MEI4: variants seen among roughly 807,000 people sequenced by gnomAD.
The protein encoded by MEI4 is meiotic double-stranded break formation protein 4.
MEI4 carries 27 observed loss-of-function variants against 31.4 expected under a neutral mutation model. The ratio of observed to expected loss-of-function variants is 0.86; its 90% CI spans 0.63 to 1.19. The LOEUF is 1.19. Among genes scored for constraint, MEI4 ranks in the 50% most tolerant of loss-of-function variants. The pLI is 0.00. For synonymous variants in MEI4, 122 were observed against 145.4 expected (o/e 0.84, Z 1.16); for missense variants, 329 against 398.9 (o/e 0.82, Z 1.49).
chr6:77,846,163 A>AGT (rs1261418954), intron 4 of MEI4, among the ~76,000 whole-genome samples: 1 of 151,874 alleles, frequency 6.6e-6, no homozygotes, highest in Non-Finnish European at 1.5e-5. Context: ...CCCAGGCTGG[A>AGT]GTGCAGTGGT....
intron 4 of MEI4, among the ~76,000 whole-genome samples, chr6:77,831,400 C>CT (rs1376437018): frequency 6.6e-6 from 1 of 151,494 alleles, no homozygotes; most frequent in Admixed American, 6.6e-5. Context: ...CCACTGCTGG[C>CT]TATGTATCCA....
chr6:77,922,942 C>T, intron 4 of MEI4, 147 bp from the exon 5 acceptor site: 1 of 423,922 alleles, frequency 2.4e-6, no homozygotes, highest in Non-Finnish European at 4.0e-6. Flanking sequence ...TTTTTTATTT[C>T]CCCCTTGTTC....
At chr6:77,688,331 A>G (rs12192385) in intron 1 of MEI4, among the ~76,000 whole-genome samples, 2,802 of 152,200 alleles carry the variant, frequency 0.018, 40 homozygotes, top group Non-Finnish European at 0.031. Context: ...TTTAAGTGTG[A>G]TTTATATCCT....
At chr6:77,852,709 G>A (rs1770657548) in intron 4 of MEI4, among the ~76,000 whole-genome samples, 1 of 151,644 alleles carries the variant, frequency 6.6e-6, no homozygotes, top group Admixed American at 6.6e-5. Context: ...GGGAGAATGA[G>A]TTCCTTAGGG....
chr6:77,737,346 T>C (rs1459449382), intron 2 of MEI4, among the ~76,000 whole-genome samples: 2 of 152,204 alleles, frequency 1.3e-5, no homozygotes, highest in African/African-American at 2.4e-5. Context: ...GTCTTACATG[T>C]AATTACTTTG....
rs1036370053 is a variant in MEI4, at chr6:77,789,691, A to C, written c.768+28026A>C. 3.3e-5 allele frequency among the ~76,000 whole-genome samples: 5 copies of C among 152,240 alleles called. 1 individual carries two copies. Among genetic ancestry groups the C allele is most frequent in the African/African-American group, 1.2e-4 (5 of 41,470 alleles). On this transcript the variant is annotated intron_variant, in intron 3 of 4. Coordinates refer to ENST00000684080, the MANE Select transcript of MEI4 (RefSeq NM_001322247.2). ...ACTGGCCATCAGAGAAATGTAAATC[A>C]AAACCACAATGAGATACCATCTCAC...
At chr6:77,802,562 G>T (rs1474160055) in intron 3 of MEI4, among the ~76,000 whole-genome samples, 2 of 152,132 alleles carry the variant, frequency 1.3e-5, no homozygotes, top group Non-Finnish European at 2.9e-5. Flanking sequence ...TTTCTTCCTA[G>T]CCTCAATGGT....
chr6:77,650,558 C>G (rs533905588), upstream of MEI4, among the ~76,000 whole-genome samples: 1 of 152,202 alleles, frequency 6.6e-6, no homozygotes, highest in Non-Finnish European at 1.5e-5. Flanking sequence ...CGCCCTCCCC[C>G]GCTACAGGAA....
chr6:77,768,552 T>C (rs941012288), intron 3 of MEI4, among the ~76,000 whole-genome samples: 11 of 151,850 alleles, frequency 7.2e-5, no homozygotes, highest in Non-Finnish European at 1.3e-4. Flanking sequence ...ATACAAAAAA[T>C]AGCCAGACAT....
At chr6:77,714,646 C>T (rs1240010592) in intron 2 of MEI4, among the ~76,000 whole-genome samples, 1 of 152,208 alleles carries the variant, frequency 6.6e-6, no homozygotes, top group African/African-American at 2.4e-5. Flanking sequence ...TGATTCCATT[C>T]AAGGCGCTCT....
At chr6:77,864,633 G>C (rs1334638180) in intron 4 of MEI4, among the ~76,000 whole-genome samples, 2 of 152,180 alleles carry the variant, frequency 1.3e-5, no homozygotes, top group African/African-American at 4.8e-5. Flanking sequence ...ATAATAATGG[G>C]AGACTTTAAA....
intron 3 of MEI4, among the ~76,000 whole-genome samples, chr6:77,797,377 A>C (rs1049994124): frequency 1.1e-4 from 16 of 152,212 alleles, no homozygotes; most frequent in South Asian, 4.1e-4. Flanking sequence ...CCAGGGAAAC[A>C]ATCAATAGAT....
intron 3 of MEI4, among the ~76,000 whole-genome samples, chr6:77,821,743 C>G (rs538376614): frequency 7.1e-6 from 1 of 140,716 alleles, no homozygotes; most frequent in East Asian, 2.1e-4. Flanking sequence ...TTGTGGTGAG[C>G]TGAGATCGCG....
intron 2 of MEI4, among the ~76,000 whole-genome samples, chr6:77,694,098 T>G (rs186723724): frequency 6.6e-6 from 1 of 152,028 alleles, no homozygotes; most frequent in Non-Finnish European, 1.5e-5. Flanking sequence ...TTCTTTTTTT[T>G]AAATGTGAAT....
intron 2 of MEI4, among the ~76,000 whole-genome samples, chr6:77,703,066 G>T (rs1444865394): frequency 2.0e-5 from 3 of 152,174 alleles, no homozygotes; most frequent in African/African-American, 7.2e-5. Context: ...TGTCTTCCTT[G>T]TGAGACCCAA....
intron 3 of MEI4, among the ~76,000 whole-genome samples, chr6:77,762,102 T>A (rs1197415697): frequency 6.6e-6 from 1 of 152,186 alleles, no homozygotes; most frequent in Non-Finnish European, 1.5e-5. Flanking sequence ...TTGCTCTTTT[T>A]CTGGCATTGA....
In MEI4 at chr6:77,653,886, A is replaced by C. The variant is rs550711772; in HGVS notation, c.-15+794A>C. ...GGTTTGTAACTAAGGAATTCAGTAT[A>C]AGTGACAGTATGTATCTTTTAATAT... On this transcript the variant is annotated intron_variant, in intron 1 of 4. Coordinates refer to ENST00000684080, the MANE Select transcript of MEI4 (RefSeq NM_001322247.2). 7.2e-5 allele frequency among the ~76,000 whole-genome samples: 11 copies of C among 152,342 alleles called. No homozygotes were observed. In the South Asian group the frequency reaches 1.9e-3, roughly 26 times the overall value.
chr6:77,833,692 A>G (rs6933238), intron 4 of MEI4, among the ~76,000 whole-genome samples: 50 of 152,054 alleles, frequency 3.3e-4, no homozygotes, highest in African/African-American at 1.1e-3. Flanking sequence ...ATAGGTATAC[A>G]TGCGCCATGG....
intron 4 of MEI4, among the ~76,000 whole-genome samples, chr6:77,880,444 G>T: frequency 6.6e-6 from 1 of 151,980 alleles, no homozygotes; most frequent in Non-Finnish European, 1.5e-5. Flanking sequence ...TGTATTGTGG[G>T]TATTTTTTAA....
Sources: gnomAD v4.1 joint callset for allele counts (sites outside exome capture counted in the v4.1 genomes callset) on GRCh38, gnomAD v4.1.1 for gene constraint, MANE v1.5 for transcripts, NCBI Gene and HGNC (gene_info 2026-07-23, HGNC 2026-07-21) for gene names.